Variants in UGT1A7 observed in about 807,000 individuals in gnomAD.
UGT1A7 encodes UDP-glucuronosyltransferase 1A7.
Under a neutral mutation model 45.6 loss-of-function variants are expected in UGT1A7, and 33 were observed. The observed-to-expected ratio is 0.72, with a 90% confidence interval of 0.55 to 0.97. UGT1A7 has a LOEUF of 0.97. Among genes scored for constraint, UGT1A7 ranks in the 50% least tolerant of loss-of-function variants. The probability of loss-of-function intolerance (pLI) is 0.00; values close to 1 mark genes in which losing one functional copy is unlikely to be tolerated. For synonymous variants in UGT1A7, 274 were observed against 250.6 expected (o/e 1.09, Z -0.88); for missense variants, 684 against 666.2 (o/e 1.03, Z -0.29).
At chr2:233,717,025 C>A (rs947654247) in intron 1 of UGT1A7, among the ~76,000 whole-genome samples, 5 of 152,200 alleles carry the variant, frequency 3.3e-5, no homozygotes, top group Non-Finnish European at 4.4e-5. Flanking sequence ...GCACCACCAT[C>A]TTCCAAGATA....
intron 1 of UGT1A7, chr2:233,719,118 T>C (rs1175236836): frequency 6.2e-7 from 1 of 1,614,062 alleles, no homozygotes; most frequent in East Asian, 2.2e-5. Flanking sequence ...CACTCAAGGG[T>C]TCTTTGAAAC....
chr2:233,736,852 G>A (rs2078820278), intron 1 of UGT1A7, among the ~76,000 whole-genome samples: 1 of 152,188 alleles, frequency 6.6e-6, no homozygotes, highest in Non-Finnish European at 1.5e-5. Flanking sequence ...AGTGGAGGCT[G>A]CAGAACAGCA....
At chr2:233,751,144 C>T (rs1237165481) in intron 1 of UGT1A7, among the ~76,000 whole-genome samples, 2 of 151,954 alleles carry the variant, frequency 1.3e-5, no homozygotes, top group Non-Finnish European at 2.9e-5. Context: ...CTGTGGGAGC[C>T]CACTTCTGGC....
rs368860136 is a variant in UGT1A7 at position 233,772,310 on chromosome 2, G to C, written c.1344G>C (p.Pro448=). 4.6e-5 allele frequency: 74 copies of C among 1,614,210 alleles called. 1 individual carries two copies. The South Asian group carries it at 7.0e-4, about 15-fold the overall frequency. The part of the protein sequence containing the change: ...MRLSSLHKDR[P]VEPLDLAVFW... Reference sequence around the variant, plus strand: ...TCTCCAGCCTTCACAAGGACCGCCCGGTGGAGCCGCTGGACCTGGCCGTGT... The same window carrying C: ...TCTCCAGCCTTCACAAGGACCGCCCCGTGGAGCCGCTGGACCTGGCCGTGT... The change falls in exon 5 of 5, where the codon CCG becomes CCC. Residue 448 remains proline, a synonymous_variant. Transcript: ENST00000373426.
intron 4 of UGT1A7, chr2:233,770,928 C>T (rs1253258024): frequency 6.6e-6 from 1 of 152,180 alleles, no homozygotes; most frequent in African/African-American, 2.4e-5. Context: ...GCTGACATCA[C>T]TTGGCTGCCG....
At chr2:233,692,896 A>G (rs1434952658) in intron 1 of UGT1A7, 1 of 1,536,264 alleles carries the variant, frequency 6.5e-7, no homozygotes, top group Non-Finnish European at 8.7e-7. Context: ...AGGGAGAGGT[A>G]GACAGGACCT....
intron 1 of UGT1A7, chr2:233,718,888 A>G (rs1440717664): frequency 6.2e-7 from 1 of 1,613,998 alleles, no homozygotes; most frequent in Non-Finnish European, 8.5e-7. Context: ...CTCAGTGTCC[A>G]GCCCTGGGCT....
At chr2:233,693,226 A>C in intron 1 of UGT1A7, 1 of 1,614,228 alleles carries the variant, frequency 6.2e-7, no homozygotes, top group Non-Finnish European at 8.5e-7. Flanking sequence ...AATACTACAC[A>C]AGAAAAATCT....
chr2:233,761,274 T>A, intron 1 of UGT1A7: 3 of 1,580,366 alleles, frequency 1.9e-6, no homozygotes, highest in Non-Finnish European at 2.6e-6. Flanking sequence ...TGCCCTCTTT[T>A]GTTAATTTTT....
At chr2:233,723,516 CTTTTTTTT>C (rs1162916866) in intron 1 of UGT1A7, among the ~76,000 whole-genome samples, 9 of 85,406 alleles carry the variant, frequency 1.1e-4, no homozygotes, top group African/African-American at 3.9e-4. Context: ...GGTCAACAAT[CTTTTTTTT>C]TTTTTTTTTT....
At chr2:233,760,178 T>C in intron 1 of UGT1A7, 1 of 1,545,848 alleles carries the variant, frequency 6.5e-7, no homozygotes, top group Non-Finnish European at 8.7e-7. Flanking sequence ...CTGACAGCTT[T>C]TTATAGTCAC....
intron 1 of UGT1A7, among the ~76,000 whole-genome samples, chr2:233,759,961 C>T (rs1009122794): frequency 6.6e-6 from 1 of 152,158 alleles, no homozygotes; most frequent in Non-Finnish European, 1.5e-5. Context: ...ACATAGTCGT[C>T]CTTCTTCCTC....
intron 1 of UGT1A7, chr2:233,760,629 G>A: frequency 6.2e-7 from 1 of 1,614,104 alleles, no homozygotes; most frequent in East Asian, 2.2e-5. Context: ...AAACATACAA[G>A]AAAATAAAAA....
At chr2:233,712,850 A>C in intron 1 of UGT1A7, 1 of 1,537,004 alleles carries the variant, frequency 6.5e-7, no homozygotes, top group Non-Finnish European at 8.8e-7. Flanking sequence ...AACGGGTAAT[A>C]AGTAACTGGA....
At chr2:233,755,185 T>G (rs1695803868) in intron 1 of UGT1A7, 2 of 1,189,530 alleles carry the variant, frequency 1.7e-6, no homozygotes, top group Non-Finnish European at 2.3e-6. Context: ...GGGTGCCACT[T>G]GAGCGCCAGC....
At chr2:233,694,877 T>C (rs1192899397) in intron 1 of UGT1A7, among the ~76,000 whole-genome samples, 1 of 152,212 alleles carries the variant, frequency 6.6e-6, no homozygotes, top group African/African-American at 2.4e-5. Context: ...TTGTACACAT[T>C]TGGGGGGTTC....
intron 1 of UGT1A7, among the ~76,000 whole-genome samples, chr2:233,761,510 A>C (rs1161669580): frequency 6.6e-6 from 1 of 152,248 alleles, no homozygotes. Flanking sequence ...TCAGTCAGGC[A>C]GGCAATGTTC....
At chr2:233,730,026 C>G (rs2077971569) in intron 1 of UGT1A7, 3 of 1,613,402 alleles carry the variant, frequency 1.9e-6, no homozygotes, top group African/African-American at 2.7e-5. Flanking sequence ...AATCAATGTT[C>G]CAGGCAAAAC....
At position 233,743,889 on chromosome 2, in the gene UGT1A7, C is replaced by G. The variant is rs772404116; in HGVS notation, c.856-23145C>G. 4.4e-6 allele frequency: 6 copies of G among 1,366,986 alleles called. No individual in the cohort carries two copies. In the Admixed American group the frequency reaches 9.5e-5, roughly 22 times the overall value. The allele number at this position is 1,366,986 out of a possible 1,614,324, so 84.7% of individuals were successfully genotyped here. A position where few individuals can be genotyped will look rare whatever the true frequency, so the allele number is the denominator to read the frequency against. ...GCCTCGGATGAGGCCTGCCGGGGCA[C>G]GTCCAGCACCTCGTAGTAGTCCACC... On this transcript the variant is annotated intron_variant, in intron 1 of 4. Coordinates refer to ENST00000373426, the MANE Select transcript of UGT1A7 (RefSeq NM_019077.3).
Sources: gnomAD v4.1 joint callset for allele counts (sites outside exome capture counted in the v4.1 genomes callset) on GRCh38, gnomAD v4.1.1 for gene constraint, MANE v1.5 for transcripts, NCBI Gene and HGNC (gene_info 2026-07-23, HGNC 2026-07-21) for gene names.